The following LDB1 variants were observed in gnomAD, a reference collection of about 807,000 sequenced individuals.
The protein encoded by LDB1 is LIM domain-binding protein 1.
Under a neutral mutation model 49.7 loss-of-function variants are expected in LDB1, and 6 were observed. The observed-to-expected ratio is 0.12, with a 90% CI of 0.07 to 0.24. LDB1 has a LOEUF of 0.24. LDB1 is among the 10% of genes least tolerant of loss of function. LDB1 has a pLI of 1.00. For missense variants in LDB1, 341 were observed against 561.7 expected (o/e 0.61, Z 3.97); for synonymous variants, 233 against 202.0 (o/e 1.15, Z -1.30).
Position 102,106,919 on chromosome 10 carries a change from C to A in LDB1, c.*1174G>T, listed in dbSNP as rs1248128391. Among the ~76,000 whole-genome samples, 1 of 152,152 alleles carries A rather than the reference C, an allele frequency of 6.6e-6. No homozygotes were observed. Among genetic ancestry groups the A allele is most frequent in the Non-Finnish European group, 1.5e-5 (1 of 68,024 alleles). On this transcript the variant is annotated 3_prime_UTR_variant, in exon 11 of 11. Transcript: ENST00000673968. The stretch of plus-strand genomic sequence containing the variant: ...AGGTGAAGACCCTCTACCTCTACCT[C>A]ACCTATGGGGACAGAGGCCTGTTCC...
intron 2 of LDB1, 56 bp from the exon 3 acceptor site, chr10:102,111,356 C>T: frequency 6.3e-7 from 1 of 1,595,440 alleles, no homozygotes; most frequent in Non-Finnish European, 8.6e-7. Context: ...TTATTGGGGG[C>T]AGGGGGCTAC....
In LDB1 at chr10:102,117,654, AGCC is replaced by A. The variant is rs1230225908; in HGVS notation, c.25+2429_25+2431del. Among the ~76,000 whole-genome samples the A allele has an allele frequency of 6.6e-6, 1 of 151,796 alleles. No homozygotes were observed. The highest frequency in any genetic ancestry group is 1.9e-4 in the East Asian group (1 of 5,168). On this transcript the variant is annotated intron_variant, in intron 1 of 10. Coordinates refer to ENST00000673968, the MANE Select transcript of LDB1 (RefSeq NM_001113407.3). The surrounding 1 kb of genome is among the most constrained non-coding windows in gnomAD (Gnocchi z 4.2). ...CTGCCATCCTCCTCTCCTGGCTCCC[AGCC>A]GCCACCACTGCTGCCTCCTCCCCTC...
At chr10:102,108,770 T>G (rs558249207) in intron 10 of LDB1, among the ~76,000 whole-genome samples, 1 of 152,346 alleles carries the variant, frequency 6.6e-6, no homozygotes, top group Non-Finnish European at 1.5e-5. Flanking sequence ...CCAAGCTGTC[T>G]GTCCTGAATA....
Position 102,107,735 on chromosome 10 carries a change from C to A in LDB1, c.*358G>T, listed in dbSNP as rs1329302802. 6 of 317,554 alleles carry A rather than the reference C, an allele frequency of 1.9e-5. No individual in the cohort carries two copies. Among genetic ancestry groups the A allele is most frequent in the Non-Finnish European group, 3.0e-5 (5 of 168,788 alleles). The allele number at this position is 317,554 out of a possible 1,614,324, so 19.7% of individuals were successfully genotyped here. On this transcript the variant is annotated 3_prime_UTR_variant, in exon 11 of 11. Coordinates refer to ENST00000673968, the MANE Select transcript of LDB1 (RefSeq NM_001113407.3). ...AGTCCCTAAGGGCTGTGGGTATAGACAACCCCAGGCTTGAAAGGGGTAAAG... is the reference window on the plus strand; with the variant it reads ...AGTCCCTAAGGGCTGTGGGTATAGAAAACCCCAGGCTTGAAAGGGGTAAAG...
chr10:102,110,113 C>A, intron 6 of LDB1, 70 bp from the exon 7 acceptor site: 1 of 1,516,732 alleles, frequency 6.6e-7, no homozygotes, highest in South Asian at 1.2e-5. Context: ...CTATTACAGT[C>A]TCCCATTTGC....
Position 102,110,851 on chromosome 10 carries a change from A to G in LDB1, c.352+18T>C. On this transcript the variant is annotated intron_variant, in intron 5 of 10. Transcript: ENST00000673968. ...AGGAGGTATACACCCTCATAGCAAG[A>G]CCCCAGAGGCCACTTACTATATCTC... is the stretch of plus-strand genomic sequence containing the variant. 1 of 1,604,532 alleles carries G rather than the reference A, an allele frequency of 6.2e-7. No individual in the cohort carries two copies. Among genetic ancestry groups the G allele is most frequent in the Admixed American group, 1.7e-5 (1 of 59,990 alleles).
At chr10:102,111,954 A>G (rs879287195) in intron 1 of LDB1, among the ~76,000 whole-genome samples, 13 of 152,112 alleles carry the variant, frequency 8.5e-5, no homozygotes, top group Non-Finnish European at 1.6e-4. Context: ...GCCTGATTAT[A>G]AGAGAGTGGT....
Position 102,109,336 on chromosome 10 carries a change from T to C in LDB1, c.856+48A>G, listed in dbSNP as rs1005628447. On this transcript the variant is annotated intron_variant, in intron 9 of 10. Transcript: ENST00000673968. This position sits in a 1 kb window ranked among gnomAD's most constrained non-coding sequence, Gnocchi z 5.8. ...TTCAAAAGGAAATAAAGATACAGCT[T>C]TGGGGAGCGGTGTGAGATCCTGGTA... 1.9e-6 allele frequency: 3 copies of C among 1,611,926 alleles called. No homozygotes were observed. Among genetic ancestry groups the C allele is most frequent in the Admixed American group, 1.7e-5 (1 of 59,928 alleles).
chr10:102,110,808 T>C, intron 5 of LDB1, 61 bp downstream of exon 5: 1 of 1,584,958 alleles, frequency 6.3e-7, no homozygotes, highest in Non-Finnish European at 8.7e-7. Flanking sequence ...GACCCACTTC[T>C]AGACCTTAGA....
At chr10:102,115,921 C>T (rs2068330673) in intron 1 of LDB1, among the ~76,000 whole-genome samples, 1 of 152,026 alleles carries the variant, frequency 6.6e-6, no homozygotes, top group African/African-American at 2.4e-5. Flanking sequence ...AGTACACACA[C>T]ACACACACAA....
rs1467131967 is a variant in LDB1 at position 102,117,637 on chromosome 10, C to A, written c.25+2449G>T. 6.6e-6 allele frequency among the ~76,000 whole-genome samples: 1 copy of A among 152,108 alleles called. No individual in the cohort carries two copies. The highest frequency in any genetic ancestry group is 6.5e-5 in the Admixed American group (1 of 15,284). Reference sequence around the variant, plus strand: ...CCCGTTGGCCTGGCGCTCTGCCATCCTCCTCTCCTGGCTCCCAGCCGCCAC... The same window carrying A: ...CCCGTTGGCCTGGCGCTCTGCCATCATCCTCTCCTGGCTCCCAGCCGCCAC... On this transcript the variant is annotated intron_variant, in intron 1 of 10. Transcript: ENST00000673968. The surrounding 1 kb of genome is among the most constrained non-coding windows in gnomAD (Gnocchi z 4.2).
At chr10:102,118,005 G>A (rs1235370183) in intron 1 of LDB1, among the ~76,000 whole-genome samples, 2 of 152,050 alleles carry the variant, frequency 1.3e-5, no homozygotes, top group African/African-American at 4.8e-5. Flanking sequence ...GAACACAAAG[G>A]AGAGACTCAG....
intron 1 of LDB1, among the ~76,000 whole-genome samples, chr10:102,118,838 C>A (rs1030600501): frequency 5.3e-5 from 8 of 152,164 alleles, no homozygotes; most frequent in African/African-American, 9.7e-5. Context: ...AGACAGGATT[C>A]CAGCTTGGCA....
rs1419503604 is a variant in LDB1, at chr10:102,107,887, A to C, written c.*206T>G. On this transcript the variant is annotated 3_prime_UTR_variant, in exon 11 of 11. Coordinates refer to ENST00000673968, the MANE Select transcript of LDB1 (RefSeq NM_001113407.3). ...CACATGAGTACCCCCTCCCCCTAAA[A>C]GGCTCTGTAGAGGCCAGGCCCAGCC... is the stretch of plus-strand genomic sequence containing the variant. 1.7e-5 allele frequency: 10 copies of C among 601,320 alleles called. No homozygotes were observed. The East Asian group carries it at 2.5e-4, about 15-fold the overall frequency. 37.2% of individuals were successfully genotyped at this position (601,320 alleles called of 1,614,324 possible).
chr10:102,120,172 G>A lies in LDB1; in HGVS notation c.-62C>T, dbSNP rs937778852. ...ACGGTGCCCGCCCCTCGCGGGGACA[G>A]GCCGGGCATGAGCCGCCGCCGCCGC... On this transcript the variant is annotated 5_prime_UTR_variant, in exon 1 of 11. Coordinates refer to ENST00000673968, the MANE Select transcript of LDB1 (RefSeq NM_001113407.3). 1.7e-5 allele frequency: 20 copies of A among 1,192,872 alleles called. No individual in the cohort carries two copies. The highest frequency in any genetic ancestry group is 2.6e-4 in the Middle Eastern group (1 of 3,894). 73.9% of individuals were successfully genotyped at this position (1,192,872 alleles called of 1,614,324 possible).
chr10:102,119,988 A>T, intron 1 of LDB1, 98 bp downstream of exon 1: 1 of 953,550 alleles, frequency 1.0e-6, no homozygotes, highest in Non-Finnish European at 1.5e-6. Context: ...CCCCCATGCC[A>T]TCGACGCCCC....
chr10:102,105,799 T>TAAAA (rs1158468815), downstream of LDB1, among the ~76,000 whole-genome samples: 2 of 100,962 alleles, frequency 2.0e-5, no homozygotes, highest in Non-Finnish European at 4.1e-5. Flanking sequence ...CTATCTCTAC[T>TAAAA]AAAAAAAAAA....
Position 102,109,384 on chromosome 10 carries a change from CA to C in LDB1, c.855del (p.Ala286ArgfsTer22). ...GTAAGAGCAGGTGCAAGGCACTCAC[CA>C]GGGGGTGCTACCATGCGCTGCCACT... is the stretch of plus-strand genomic sequence containing the variant. ...FQKWQRMVAP[P>X]AEPTRQQPSK... On this transcript the variant is annotated frameshift_variant and splice_region_variant, in exon 9 of 11. Coordinates refer to ENST00000673968, the MANE Select transcript of LDB1 (RefSeq NM_001113407.3). LOFTEE classifies it high-confidence loss of function. The surrounding 1 kb of genome is among the most constrained non-coding windows in gnomAD (Gnocchi z 5.8). The C allele has an allele frequency of 6.2e-7, 1 of 1,613,978 alleles. No individual in the cohort carries two copies. The highest frequency in any genetic ancestry group is 2.2e-5 in the East Asian group (1 of 44,878).
rs372065859 is a variant in LDB1 at position 102,119,954 on chromosome 10, C to A, written c.25+132G>T. 5 of 595,942 alleles carry A rather than the reference C, an allele frequency of 8.4e-6. No individual in the cohort carries two copies. The Admixed American group carries it at 1.2e-4, about 15-fold the overall frequency. The allele number at this position is 595,942 out of a possible 1,614,324, so 36.9% of individuals were successfully genotyped here. A position where few individuals can be genotyped will look rare whatever the true frequency, so the allele number is the denominator to read the frequency against. ...CGCTACCCGCCAGCCTGAGGCCCCG[C>A]GTAGCCCTTCCAGCCCCCGGCTTCC... On this transcript the variant is annotated intron_variant, in intron 1 of 10. Transcript: ENST00000673968.
Sources: allele counts gnomAD v4.1 joint callset (sites outside exome capture counted in the v4.1 genomes callset), GRCh38; gene constraint gnomAD v4.1.1; non-coding constraint Gnocchi (gnomAD v3.1); transcripts MANE v1.5; gene names NCBI Gene and HGNC (gene_info 2026-07-23, HGNC 2026-07-21).